DAOA: variants seen among roughly 807,000 people sequenced by gnomAD.
DAOA encodes the protein D-amino acid oxidase activator.
DAOA carries 15 observed loss-of-function variants against 16.4 expected under a neutral mutation model. The observed-to-expected ratio is 0.91, with a 90% CI of 0.61 to 1.41. DAOA has a LOEUF of 1.41. DAOA is among the 40% of genes most tolerant of loss of function. The probability of loss-of-function intolerance (pLI) is 0.00; values close to 1 mark genes in which losing one functional copy is unlikely to be tolerated. For missense variants in DAOA, 230 were observed against 176.8 expected (o/e 1.30, Z -1.71); for synonymous variants, 75 against 59.1 (o/e 1.27, Z -1.23).
chr13:105,489,665 T>G lies in DAOA; in HGVS notation c.282-236T>G, dbSNP rs960990188. ...AATTCCTACAATTCTTTATGCTTTTTCACAGTCTTTCTTTGAAATTATATC... is the reference window on the plus strand; with the variant it reads ...AATTCCTACAATTCTTTATGCTTTTGCACAGTCTTTCTTTGAAATTATATC... On this transcript the variant is annotated intron_variant, in intron 4 of 5. Coordinates refer to ENST00000375936, the MANE Select transcript of DAOA (RefSeq NM_172370.5). 54 of 920,022 alleles carry G rather than the reference T, an allele frequency of 5.9e-5. No individual in the cohort carries two copies. In the African/African-American group the frequency reaches 7.8e-4, roughly 13 times the overall value. The allele number at this position is 920,022 out of a possible 1,614,324, so 57.0% of individuals were successfully genotyped here.
At chr13:105,472,050 C>T (rs1208561048) in intron 3 of DAOA, among the ~76,000 whole-genome samples, 1 of 152,180 alleles carries the variant, frequency 6.6e-6, no homozygotes, top group Admixed American at 6.5e-5. Context: ...CAAAAAACTA[C>T]CTTGTGGTCA....
chr13:105,477,798 C>T (rs1877442296), intron 4 of DAOA, among the ~76,000 whole-genome samples: 3 of 152,044 alleles, frequency 2.0e-5, no homozygotes, highest in African/African-American at 7.2e-5. Flanking sequence ...GGGTATCTAC[C>T]AGAGCAATTT....
chr13:105,472,629 G>T lies in DAOA; in HGVS notation c.225G>T (p.Arg75Ser), dbSNP rs1877044824. ...ACGGCTATTTGGAAATGGCACAGAGGCATTTACAGAGATCATTATGTCCTT... is the reference window on the plus strand; with the variant it reads ...ACGGCTATTTGGAAATGGCACAGAGTCATTTACAGAGATCATTATGTCCTT... ...HEDGYLEMAQ[R>S]HLQRSLCPWV... The change falls in exon 4 of 6, where the codon AGG (arginine) becomes AGT (serine). Residue 75 changes from arginine (R) to serine (S), a missense_variant. Physicochemically the swap from Arg to Ser is moderately radical, Grantham distance 110. Coordinates refer to ENST00000375936, the MANE Select transcript of DAOA (RefSeq NM_172370.5). 1 of 1,613,894 alleles carries T rather than the reference G, an allele frequency of 6.2e-7. No individual in the cohort carries two copies.
chr13:105,480,746 A>G (rs976249981), intron 4 of DAOA, among the ~76,000 whole-genome samples: 3 of 152,110 alleles, frequency 2.0e-5, no homozygotes, highest in Non-Finnish European at 4.4e-5. Context: ...TGCTAGTGTA[A>G]TACCTAGAGT....
chr13:105,473,742 G>A (rs147364117), intron 4 of DAOA, among the ~76,000 whole-genome samples: 62 of 152,190 alleles, frequency 4.1e-4, no homozygotes, highest in African/African-American at 1.4e-3. Flanking sequence ...TAAAGTAGTA[G>A]AGGCTATAGT....
At chr13:105,487,959 A>G (rs1878247836) in intron 4 of DAOA, among the ~76,000 whole-genome samples, 1 of 152,176 alleles carries the variant, frequency 6.6e-6, no homozygotes, top group African/African-American at 2.4e-5. Flanking sequence ...ATCTGGCAGG[A>G]ACATTAGCTG....
intron 4 of DAOA, among the ~76,000 whole-genome samples, chr13:105,483,882 A>T (rs1294149636): frequency 6.6e-6 from 1 of 151,960 alleles, no homozygotes; most frequent in Non-Finnish European, 1.5e-5. Flanking sequence ...TTTAATTTTT[A>T]TGAAGTCCAG....
chr13:105,484,202 T>C (rs926499697), intron 4 of DAOA, among the ~76,000 whole-genome samples: 11 of 152,146 alleles, frequency 7.2e-5, no homozygotes, highest in Admixed American at 5.9e-4. Context: ...GGTCTATTTT[T>C]TTTTTACTTT....
At chr13:105,489,164 T>A (rs1159114737) in intron 4 of DAOA, among the ~76,000 whole-genome samples, 1 of 152,154 alleles carries the variant, frequency 6.6e-6, no homozygotes, top group African/African-American at 2.4e-5. Context: ...GAGCTGGCTT[T>A]TATAAATGCG....
chr13:105,474,403 A>G (rs949853506), intron 4 of DAOA, among the ~76,000 whole-genome samples: 1 of 152,086 alleles, frequency 6.6e-6, no homozygotes, highest in Admixed American at 6.6e-5. Flanking sequence ...GAACATGATC[A>G]TTTGTAATAC....
In DAOA at chr13:105,470,406, T is replaced by C. The variant is rs1876849418; in HGVS notation, c.134-2132T>C. 7.2e-5 allele frequency among the ~76,000 whole-genome samples: 11 copies of C among 152,206 alleles called. No homozygotes were observed. The South Asian group carries it at 2.1e-3, about 29-fold the overall frequency. On this transcript the variant is annotated intron_variant, in intron 3 of 5. Transcript: ENST00000375936. ...ATAATTTTAAAATGCCCTGATACCA[T>C]GCCTTTTTTATCATTCTCATTTTTA...
chr13:105,487,403 T>G (rs1878197383), intron 4 of DAOA, among the ~76,000 whole-genome samples: 1 of 152,142 alleles, frequency 6.6e-6, no homozygotes, highest in South Asian at 2.1e-4. Flanking sequence ...TGTATCTTTA[T>G]AAGAGCATCT....
At position 105,472,591 on chromosome 13, in the gene DAOA, A is replaced by G. The variant is rs1594106983; in HGVS notation, c.187A>G (p.Arg63Gly). 1.9e-6 allele frequency: 3 copies of G among 1,614,130 alleles called. No individual in the cohort carries two copies. In the South Asian group the frequency reaches 3.3e-5, roughly 18 times the overall value. The change falls in exon 4 of 6, where the codon AGA becomes GGA. Residue 63 changes from arginine (R) to glycine (G), a missense_variant. By Grantham distance (125) the Arg-to-Gly change is moderately radical. Transcript: ENST00000375936. ...GGTAACAAGGAAAGAAGGATGGAAGAGAAGGCATGAGGACGGCTATTTGGA... is the reference window on the plus strand; with the variant it reads ...GGTAACAAGGAAAGAAGGATGGAAGGGAAGGCATGAGGACGGCTATTTGGA... ...ETVTRKEGWK[R>G]RHEDGYLEMA...
At chr13:105,472,468 A>T (rs1877025596) in intron 3 of DAOA, 70 bp from the exon 4 acceptor site, 1 of 1,508,236 alleles carries the variant, frequency 6.6e-7, no homozygotes, top group African/African-American at 1.4e-5. Context: ...ACAGTCATTA[A>T]ACCAACATGT....
chr13:105,466,185 A>G, intron 1 of DAOA, 31 bp from the exon 2 acceptor site: 1 of 1,557,170 alleles, frequency 6.4e-7, no homozygotes, highest in East Asian at 2.3e-5. Context: ...GTAAAAGCTT[A>G]CTAGTGTATA....
intron 4 of DAOA, among the ~76,000 whole-genome samples, chr13:105,478,260 A>G (rs953131254): frequency 6.6e-6 from 1 of 152,226 alleles, no homozygotes; most frequent in Non-Finnish European, 1.5e-5. Context: ...CAGATTCACC[A>G]GGAAGATTAT....
intron 4 of DAOA, chr13:105,489,656 T>C (rs1163625560): frequency 1.0e-5 from 9 of 857,722 alleles, no homozygotes; most frequent in Middle Eastern, 3.7e-4. Context: ...TACAATTCTT[T>C]ATGCTTTTTC....
chr13:105,468,736 G>A (rs895894293), intron 3 of DAOA, among the ~76,000 whole-genome samples: 1 of 152,194 alleles, frequency 6.6e-6, no homozygotes, highest in Non-Finnish European at 1.5e-5. Flanking sequence ...AGCTAAGAAT[G>A]TTGGAAGGAA....
At chr13:105,474,818 G>A (rs1877227776) in intron 4 of DAOA, among the ~76,000 whole-genome samples, 1 of 151,980 alleles carries the variant, frequency 6.6e-6, no homozygotes, top group African/African-American at 2.4e-5. Context: ...AGTTGAAGGA[G>A]TGTTTTCACA....
Sources: allele counts gnomAD v4.1 joint callset (sites outside exome capture counted in the v4.1 genomes callset), GRCh38; gene constraint gnomAD v4.1.1; transcripts MANE v1.5; gene names NCBI Gene and HGNC (gene_info 2026-07-23, HGNC 2026-07-21).